MISP: variants seen among roughly 807,000 people sequenced by gnomAD.
The protein encoded by MISP is mitotic spindle positioning, also known as mitotic interactor and substrate of PLK1.
Under a neutral mutation model 49.3 loss-of-function variants are expected in MISP, and 51 were observed. The observed-to-expected ratio is 1.03, with a 90% confidence interval of 0.83 to 1.31. The LOEUF (loss-of-function observed/expected upper bound fraction) is 1.31, where lower values mean the gene tolerates loss of function less well. Ranked by LOEUF, MISP falls within the 50% of genes most tolerant of loss-of-function variation. The probability of loss-of-function intolerance (pLI) is 0.00; values close to 1 mark genes in which losing one functional copy is unlikely to be tolerated. For missense variants in MISP, 1,084 were observed against 935.1 expected (o/e 1.16, Z -2.08); for synonymous variants, 444 against 392.6 (o/e 1.13, Z -1.55).
chr19:763,461 T>A (rs1183571981), intron 4 of MISP, 40 bp from the exon 5 acceptor site: 1 of 1,459,400 alleles, frequency 6.9e-7, no homozygotes, highest in Non-Finnish European at 9.6e-7. Context: ...GGGGGTGTGG[T>A]AGGACCTGGA....
chr19:758,571 A>G lies in MISP; in HGVS notation c.1625A>G (p.Gln542Arg). The G allele has an allele frequency of 6.2e-7, 1 of 1,614,246 alleles. No individual in the cohort carries two copies. Among genetic ancestry groups the G allele is most frequent in the Non-Finnish European group, 8.5e-7 (1 of 1,180,044 alleles). The change falls in exon 2 of 5, where the codon CAG (glutamine) becomes CGG (arginine). Residue 542 changes from glutamine (Q) to arginine (R), a missense_variant. By Grantham distance (43) the Gln-to-Arg change is conservative. Transcript: ENST00000215582. ...CCTGCACTGAGGCTGCAGAAGTCCCAGTCATCTGATCTGCTGGAAAGGGAG... is the reference window on the plus strand; with the variant it reads ...CCTGCACTGAGGCTGCAGAAGTCCCGGTCATCTGATCTGCTGGAAAGGGAG... ...GAPALRLQKS[Q>R]SSDLLERERE... is the part of the protein sequence containing the mutation.
At chr19:749,894 T>G (rs1288272177), upstream of MISP, among the ~76,000 whole-genome samples, 2 of 151,896 alleles carry the variant, frequency 1.3e-5, no homozygotes, top group Non-Finnish European at 2.9e-5. Flanking sequence ...GGGGCCTTTT[T>G]ACTCGAAGAA....
Position 757,418 on chromosome 19 carries a change from G to A in MISP, c.472G>A (p.Val158Met), listed in dbSNP as rs757256662. The A allele has an allele frequency of 3.1e-6, 5 of 1,600,882 alleles. No homozygotes were observed. Among genetic ancestry groups the A allele is most frequent in the Admixed American group, 3.5e-5 (2 of 56,836 alleles). Residue 158 changes from valine to methionine, a missense_variant, in exon 2 of 5, where the codon GTG becomes ATG. Transcript: ENST00000215582. The part of the protein sequence containing the change: ...QGQAVRKSST[V>M]ATLQGTPDHG... ...CCAGGCAGTCAGGAAGAGCAGCACCGTGGCCACGCTCCAGGGCACTCCTGA... is the reference window on the plus strand; with the variant it reads ...CCAGGCAGTCAGGAAGAGCAGCACCATGGCCACGCTCCAGGGCACTCCTGA...
At chr19:751,984 G>A (rs997160835) in intron 1 of MISP, among the ~76,000 whole-genome samples, 4 of 152,162 alleles carry the variant, frequency 2.6e-5, no homozygotes, top group Non-Finnish European at 5.9e-5. Context: ...GTTTCATTCT[G>A]GTATCAACAG....
At chr19:759,565 A>C (rs946885389) in intron 2 of MISP, among the ~76,000 whole-genome samples, 9 of 151,366 alleles carry the variant, frequency 5.9e-5, no homozygotes, top group African/African-American at 2.2e-4. Context: ...ACGCCTGGCT[A>C]ATTTTTTTGT....
chr19:749,588 T>C (rs973540238), upstream of MISP, among the ~76,000 whole-genome samples: 2 of 152,120 alleles, frequency 1.3e-5, no homozygotes, highest in Non-Finnish European at 2.9e-5. Flanking sequence ...CCCAGCACTT[T>C]GGGAGGCTGA....
At chr19:759,759 G>A in intron 2 of MISP, 150 bp from the exon 3 acceptor site, 1 of 825,700 alleles carries the variant, frequency 1.2e-6, no homozygotes, top group Non-Finnish European at 1.9e-6. Context: ...TCTCCTGACT[G>A]GCTACTTTGG....
chr19:752,309 C>T (rs910716640), intron 1 of MISP, among the ~76,000 whole-genome samples: 1 of 152,156 alleles, frequency 6.6e-6, no homozygotes, highest in South Asian at 2.1e-4. Context: ...CCATGAGAGC[C>T]GCCGTGGATC....
intron 1 of MISP, among the ~76,000 whole-genome samples, chr19:754,269 C>T (rs990342601): frequency 6.6e-6 from 1 of 152,170 alleles, no homozygotes; most frequent in African/African-American, 2.4e-5. Context: ...TCAAGACCAT[C>T]CTGGCTAATA....
In MISP at chr19:758,441, G is replaced by C; in HGVS notation, c.1495G>C (p.Val499Leu). ...RGCPQANRGV[V>L]RWEYFRLRPL... is the part of the protein sequence containing the mutation. ...ATGCCCGCAAGCCAACAGGGGTGTC[G>C]TGCGGTGGGAGTACTTCCGCCTGCG... is the stretch of plus-strand genomic sequence containing the variant. The change falls in exon 2 of 5, where the codon GTG (valine) becomes CTG (leucine). Residue 499 changes from valine (V) to leucine (L), a missense_variant. Coordinates refer to ENST00000215582, the MANE Select transcript of MISP (RefSeq NM_173481.4). 23 of 1,614,186 alleles carry C rather than the reference G, an allele frequency of 1.4e-5. No homozygotes were observed. Among genetic ancestry groups the C allele is most frequent in the Non-Finnish European group, 1.9e-5 (23 of 1,180,034 alleles).
At chr19:754,342 T>C (rs1193928428) in intron 1 of MISP, among the ~76,000 whole-genome samples, 1 of 152,184 alleles carries the variant, frequency 6.6e-6, no homozygotes, top group Non-Finnish European at 1.5e-5. Context: ...CGGGCGCCCG[T>C]AGTCCCAGCT....
intron 2 of MISP, among the ~76,000 whole-genome samples, chr19:759,490 C>T (rs1369264749): frequency 1.3e-5 from 2 of 151,440 alleles, no homozygotes; most frequent in African/African-American, 4.9e-5. Flanking sequence ...AGCTCCGCCT[C>T]CCGGGTTCAC....
At chr19:753,485 A>G (rs1599180011) in intron 1 of MISP, among the ~76,000 whole-genome samples, 1 of 147,044 alleles carries the variant, frequency 6.8e-6, no homozygotes, top group Non-Finnish European at 1.5e-5. Flanking sequence ...TCCCGGGTTC[A>G]CAGCATTCTC....
In MISP at chr19:763,572, C is replaced by T. The variant is rs202115380; in HGVS notation, c.2022C>T (p.Ala674=). The change falls in exon 5 of 5, where the codon GCC becomes GCT. Residue 674 remains alanine, a synonymous_variant. Transcript: ENST00000215582. ...AGCGCTGGGAATCCCGCATCTACGC[C>T]AGTGAGGAGGATGACTGAGCCTCGG... ...MAERWESRIY[A]SEEDD is the part of the protein sequence containing the mutation. 338 of 1,613,714 alleles carry T rather than the reference C, an allele frequency of 2.1e-4. No homozygotes were observed. Among genetic ancestry groups the T allele is most frequent in the Non-Finnish European group, 2.7e-4 (321 of 1,179,878 alleles).
rs754608464 is a variant in MISP at position 758,043 on chromosome 19, G to A, written c.1097G>A (p.Arg366Gln). The A allele has an allele frequency of 1.5e-5, 24 of 1,566,644 alleles. No homozygotes were observed. Among genetic ancestry groups the A allele is most frequent in the South Asian group, 9.4e-5 (8 of 84,860 alleles). ...GAGACACAGCGTGAGGAAGACCACC[G>A]GCGGGAGGGCCTGCACGTGGGCCGG... The part of the protein sequence containing the change: ...VQETQREEDH[R>Q]REGLHVGRAS... Residue 366 changes from arginine (R) to glutamine (Q), a missense_variant, in exon 2 of 5, where the codon CGG (arginine) becomes CAG (glutamine). Transcript: ENST00000215582.
At chr19:760,205 T>G (rs980909750) in intron 3 of MISP, among the ~76,000 whole-genome samples, 166 bp downstream of exon 3, 3 of 151,838 alleles carry the variant, frequency 2.0e-5, no homozygotes, top group African/African-American at 7.3e-5. Context: ...GATGATAAAC[T>G]TGGTGTCCTT....
At chr19:753,426 A>C (rs1483766710) in intron 1 of MISP, among the ~76,000 whole-genome samples, 16 of 138,188 alleles carry the variant, frequency 1.2e-4, no homozygotes, top group African/African-American at 4.1e-4. Flanking sequence ...TAGCTCTGTC[A>C]CCAGGCTGGA....
intron 1 of MISP, among the ~76,000 whole-genome samples, chr19:751,653 G>T (rs2033461521): frequency 6.6e-6 from 1 of 152,190 alleles, no homozygotes; most frequent in African/African-American, 2.4e-5. Context: ...AGGGGTGGCT[G>T]AGTACAGGCG....
At chr19:750,957 G>A (rs1269149791), upstream of MISP, among the ~76,000 whole-genome samples, 2 of 152,126 alleles carry the variant, frequency 1.3e-5, no homozygotes, top group South Asian at 2.1e-4. Context: ...CACGGTGCCC[G>A]CCCTTGCCCA....
Sources: allele counts gnomAD v4.1 joint callset (sites outside exome capture counted in the v4.1 genomes callset), GRCh38; gene constraint gnomAD v4.1.1; transcripts MANE v1.5; gene names NCBI Gene and HGNC (gene_info 2026-07-23, HGNC 2026-07-21).